Variants in PACSIN1 observed in about 807,000 individuals in gnomAD.
The protein encoded by PACSIN1 is protein kinase C and casein kinase substrate in neurons 1.
Under a neutral mutation model 59.5 loss-of-function variants are expected in PACSIN1, and 15 were observed. The ratio of observed to expected loss-of-function variants is 0.25; its 90% CI spans 0.17 to 0.39. The LOEUF (loss-of-function observed/expected upper bound fraction) is 0.39, where lower values mean the gene tolerates loss of function less well. Among genes scored for constraint, PACSIN1 ranks in the 10% least tolerant of loss-of-function variants. The pLI, the probability that PACSIN1 is intolerant of heterozygous loss-of-function variation, is 1.00. For missense variants in PACSIN1, 420 were observed against 580.2 expected, an observed-to-expected ratio of 0.72 and a Z score of 2.84; for synonymous variants, 210 against 220.6, an observed-to-expected ratio of 0.95 and a Z score of 0.42.
In PACSIN1 at chr6:34,529,247, A is replaced by G; in HGVS notation, c.457-150A>G. On this transcript the variant is annotated intron_variant, in intron 4 of 9. Transcript: ENST00000244458. The surrounding 1 kb of genome is among the most constrained non-coding windows in gnomAD (Gnocchi z 6.3). ...ACAAATGGAGGAGCGCTGCTCCCGA[A>G]CACCTGGAGCCAGGGCCTGCATCCC... is the stretch of plus-strand genomic sequence containing the variant. The G allele has an allele frequency of 2.5e-6, 2 of 796,390 alleles. No individual in the cohort carries two copies. Among genetic ancestry groups the G allele is most frequent in the Non-Finnish European group, 4.0e-6 (2 of 504,058 alleles). 49.3% of individuals were successfully genotyped at this position (796,390 alleles called of 1,614,324 possible). A position where few individuals can be genotyped will look rare whatever the true frequency, so the allele number is the denominator to read the frequency against.
At chr6:34,500,196 G>A (rs1193539784) in intron 1 of PACSIN1, among the ~76,000 whole-genome samples, 3 of 152,056 alleles carry the variant, frequency 2.0e-5, no homozygotes, top group African/African-American at 4.8e-5. Flanking sequence ...TAAAAAACAC[G>A]AGATACCACT....
intron 1 of PACSIN1, among the ~76,000 whole-genome samples, chr6:34,498,924 G>C (rs545339022): frequency 2.0e-5 from 3 of 151,984 alleles, no homozygotes; most frequent in African/African-American, 7.2e-5. Flanking sequence ...GACTGGTTTC[G>C]TGGAAGACAG....
intron 1 of PACSIN1, among the ~76,000 whole-genome samples, chr6:34,504,678 T>C (rs1057353017): frequency 1.3e-5 from 2 of 152,234 alleles, no homozygotes; most frequent in South Asian, 2.1e-4. Flanking sequence ...GTATTTTTAC[T>C]CTTTCCATTT....
chr6:34,529,946 C>T lies in PACSIN1; in HGVS notation c.788+105C>T. On this transcript the variant is annotated intron_variant, in intron 6 of 9. Transcript: ENST00000244458. The surrounding 1 kb of genome is among the most constrained non-coding windows in gnomAD (Gnocchi z 6.3). ...CCATCACAGTGACGGGAAGGGGAGG[C>T]AGAGCTGCAGGGGTCAAGAAGGATG... The T allele has an allele frequency of 7.8e-7, 1 of 1,281,380 alleles. No homozygotes were observed. Among genetic ancestry groups the T allele is most frequent in the Non-Finnish European group, 1.1e-6 (1 of 924,670 alleles). 79.4% of individuals were successfully genotyped at this position (1,281,380 alleles called of 1,614,324 possible). A position where few individuals can be genotyped will look rare whatever the true frequency, so the allele number is the denominator to read the frequency against.
chr6:34,526,440 C>CTCCCTTA, intron 2 of PACSIN1, 72 bp downstream of exon 2: 2 of 1,301,426 alleles, frequency 1.5e-6, no homozygotes, highest in Non-Finnish European at 2.2e-6. Context: ...TCCCTTATCA[C>CTCCCTTA]TCACCCCATG....
chr6:34,516,818 T>A lies in PACSIN1; in HGVS notation c.-63-9425T>A, dbSNP rs1209164935. ...CAACGTGCCCACAGCCCAGGGCACC[T>A]GCCTGGAAGCCGGATTGAGACTTGA... On this transcript the variant is annotated intron_variant, in intron 1 of 9. Transcript: ENST00000244458. The surrounding 1 kb of genome is among the most constrained non-coding windows in gnomAD (Gnocchi z 5.4). Among the ~76,000 whole-genome samples, 1 of 152,318 alleles carries A rather than the reference T, an allele frequency of 6.6e-6. No homozygotes were observed. The highest frequency in any genetic ancestry group is 1.9e-4 in the East Asian group (1 of 5,178).
rs1006165775 is a variant in PACSIN1 at position 34,532,619 on chromosome 6, C to A, written c.*89C>A. The A allele has an allele frequency of 2.8e-6, 2 of 710,546 alleles. No individual in the cohort carries two copies. The highest frequency in any genetic ancestry group is 4.8e-6 in the Non-Finnish European group (2 of 419,420). The allele number at this position is 710,546 out of a possible 1,614,324, so 44.0% of individuals were successfully genotyped here. On this transcript the variant is annotated 3_prime_UTR_variant, in exon 10 of 10. Coordinates refer to ENST00000244458, the MANE Select transcript of PACSIN1 (RefSeq NM_020804.5). This position sits in a 1 kb window ranked among gnomAD's most constrained non-coding sequence, Gnocchi z 5.2. The stretch of plus-strand genomic sequence containing the variant: ...TCTCCTTCCCCTCGCCATAGAGTTC[C>A]AGACATATTTTCCGATCAAGCTTTT...
In PACSIN1 at chr6:34,515,614, C is replaced by T. The variant is rs1367926725; in HGVS notation, c.-63-10629C>T. Reference sequence around the variant, plus strand: ...AGGTCAGAGGCATCTACCTCCTGCCCCAACCTCAGGCCCTTCCCCTTCCTC... The same window carrying T: ...AGGTCAGAGGCATCTACCTCCTGCCTCAACCTCAGGCCCTTCCCCTTCCTC... On this transcript the variant is annotated intron_variant, in intron 1 of 9. Coordinates refer to ENST00000244458, the MANE Select transcript of PACSIN1 (RefSeq NM_020804.5). The surrounding 1 kb of genome is among the most constrained non-coding windows in gnomAD (Gnocchi z 4.4). Among the ~76,000 whole-genome samples, 1 of 152,170 alleles carries T rather than the reference C, an allele frequency of 6.6e-6. No homozygotes were observed. Among genetic ancestry groups the T allele is most frequent in the Non-Finnish European group, 1.5e-5 (1 of 68,018 alleles).
chr6:34,504,084 C>CCCAT (rs772567778), intron 1 of PACSIN1, among the ~76,000 whole-genome samples: 184 of 152,092 alleles, frequency 1.2e-3, no homozygotes, highest in Non-Finnish European at 2.2e-3. Flanking sequence ...TGTCCATCTA[C>CCCAT]CCATCCATCC....
At chr6:34,487,700 G>A (rs1374460231) in intron 1 of PACSIN1, among the ~76,000 whole-genome samples, 5 of 152,098 alleles carry the variant, frequency 3.3e-5, no homozygotes, top group African/African-American at 9.7e-5. Context: ...TTGCACCCTC[G>A]CATTGACCAG....
At position 34,530,250 on chromosome 6, in the gene PACSIN1, C is replaced by T. The variant is rs751104600; in HGVS notation, c.796C>T (p.His266Tyr). Residue 266 changes from histidine (H) to tyrosine (Y), a missense_variant, in exon 7 of 10, where the codon CAT (histidine) becomes TAT (tyrosine). His to Tyr is a moderately conservative substitution (Grantham distance 83). Coordinates refer to ENST00000244458, the MANE Select transcript of PACSIN1 (RefSeq NM_020804.5). This position sits in a 1 kb window ranked among gnomAD's most constrained non-coding sequence, Gnocchi z 4.4. The stretch of plus-strand genomic sequence containing the variant: ...CCATCTCCCTGAGCACAGCTACATC[C>T]ATGTGTACCGTGAGCTGGAGCAGGC... Reference protein sequence around the residue: ...LNLAENSSYIHVYRELEQAIR... With the variant: ...LNLAENSSYIYVYRELEQAIR... 15 of 1,613,386 alleles carry T rather than the reference C, an allele frequency of 9.3e-6. 1 individual carries two copies. Among genetic ancestry groups the T allele is most frequent in the Non-Finnish European group, 1.3e-5 (15 of 1,179,670 alleles).
intron 1 of PACSIN1, among the ~76,000 whole-genome samples, chr6:34,511,400 G>A (rs1292479857): frequency 3.3e-5 from 5 of 152,166 alleles, no homozygotes; most frequent in Non-Finnish European, 7.4e-5. Flanking sequence ...CAGGCTGCTG[G>A]GCCTTGGATA....
At chr6:34,477,999 C>T (rs529311338) in intron 1 of PACSIN1, among the ~76,000 whole-genome samples, 5 of 151,730 alleles carry the variant, frequency 3.3e-5, no homozygotes, top group East Asian at 1.9e-4. Flanking sequence ...GCAATCCTCC[C>T]GCCTCAGCCT....
rs1767287007 is a variant in PACSIN1 at position 34,516,090 on chromosome 6, T to C, written c.-63-10153T>C. Among the ~76,000 whole-genome samples the C allele has an allele frequency of 6.6e-6, 1 of 152,052 alleles. No homozygotes were observed. ...GGGGCAGAAGGTTGATGTGTGCAAC[T>C]ATGGGCGTGCTTAAGGTCCTGCCCT... On this transcript the variant is annotated intron_variant, in intron 1 of 9. Transcript: ENST00000244458. This position sits in a 1 kb window ranked among gnomAD's most constrained non-coding sequence, Gnocchi z 5.4.
At chr6:34,483,209 T>A (rs1766745992) in intron 1 of PACSIN1, among the ~76,000 whole-genome samples, 1 of 152,032 alleles carries the variant, frequency 6.6e-6, no homozygotes, top group African/African-American at 2.4e-5. Context: ...TTTTGCCATG[T>A]TATCTAGGCT....
chr6:34,496,146 G>T (rs1374971942), intron 1 of PACSIN1, among the ~76,000 whole-genome samples: 2 of 152,252 alleles, frequency 1.3e-5, no homozygotes, highest in Non-Finnish European at 2.9e-5. Flanking sequence ...GGTGGGGAGG[G>T]TGAGGGACCA....
Position 34,528,733 on chromosome 6 carries a change from T to G in PACSIN1, c.312T>G (p.Asn104Lys). 6.2e-7 allele frequency: 1 copy of G among 1,613,882 alleles called. No homozygotes were observed. The change falls in exon 4 of 10, where the codon AAT becomes AAG. Residue 104 changes from asparagine to lysine, a missense_variant. Asn to Lys is a moderately conservative substitution (Grantham distance 94). Transcript: ENST00000244458. ...VSELHQEVKN[N>K]LLNEDLEKVK... is the part of the protein sequence containing the mutation. ...AGCTGCACCAGGAGGTGAAGAACAA[T>G]CTGCTGAATGAGGACCTGGAGAAGG...
At chr6:34,486,637 C>A (rs1045738608) in intron 1 of PACSIN1, among the ~76,000 whole-genome samples, 1 of 152,136 alleles carries the variant, frequency 6.6e-6, no homozygotes, top group Admixed American at 6.5e-5. Context: ...GCTCTATGGG[C>A]ACAACACACC....
rs537354004 is a variant in PACSIN1 at position 34,474,844 on chromosome 6, C to T, written c.-64+8574C>T. ...AATTGCCTGCAAGACCCCATGTGAT[C>T]CGGCTGCCCAATACCTCAGACCTTC... On this transcript the variant is annotated intron_variant, in intron 1 of 9. Transcript: ENST00000244458. 2.8e-3 allele frequency among the ~76,000 whole-genome samples: 419 copies of T among 150,054 alleles called. 4 individuals carry two copies. The highest frequency in any genetic ancestry group is 9.5e-3 in the African/African-American group (387 of 40,666).
Sources: gnomAD v4.1 joint callset for allele counts (sites outside exome capture counted in the v4.1 genomes callset) on GRCh38, gnomAD v4.1.1 for gene constraint, Gnocchi (gnomAD v3.1) non-coding constraint, MANE v1.5 for transcripts, NCBI Gene and HGNC (gene_info 2026-07-23, HGNC 2026-07-21) for gene names.